The following KANK1 variants were observed in gnomAD, a reference collection of about 807,000 sequenced individuals.
KANK1 encodes KN motif and ankyrin repeat domain-containing protein 1.
In KANK1, 109 loss-of-function variants were observed where a neutral mutation model predicts 106.2. The ratio of observed to expected loss-of-function variants is 1.03; its 90% confidence interval spans 0.88 to 1.20. The LOEUF is 1.20. KANK1 is among the 50% of genes most tolerant of loss of function. The probability of loss-of-function intolerance (pLI) is 0.00; values close to 1 mark genes in which losing one functional copy is unlikely to be tolerated. For synonymous variants in KANK1, 873 were observed against 652.2 expected (o/e 1.34, Z -5.16); for missense variants, 2,399 against 1,710.7 (o/e 1.40, Z -7.10).
intron 1 of KANK1, among the ~76,000 whole-genome samples, chr9:569,860 C>T (rs914410701): frequency 2.6e-5 from 4 of 151,334 alleles, no homozygotes; most frequent in African/African-American, 7.3e-5. Context: ...ATGTAGTTCA[C>T]TTATGTTAAT....
chr9:726,802 A>G (rs143868403), intron 3 of KANK1, among the ~76,000 whole-genome samples: 29 of 151,584 alleles, frequency 1.9e-4, no homozygotes, highest in African/African-American at 6.8e-4. Context: ...TCTACTAACA[A>G]TACAAAAATT....
intron 10 of KANK1, 50 bp from the exon 11 acceptor site, chr9:744,441 T>TG (rs1332930502): frequency 6.3e-7 from 1 of 1,582,376 alleles, no homozygotes; most frequent in Non-Finnish European, 8.6e-7. Flanking sequence ...TTCGGTTGTC[T>TG]GGAGGTTTGA....
rs189921913 is a variant in KANK1 at position 569,526 on chromosome 9, A to G, written c.-84+64772A>G. Among the ~76,000 whole-genome samples the G allele has an allele frequency of 3.5e-4, 53 of 152,266 alleles. 1 individual carries two copies. Among genetic ancestry groups the G allele is most frequent in the Admixed American group, 2.5e-3 (38 of 15,282 alleles). The stretch of plus-strand genomic sequence containing the variant: ...CAGACTCTGTCAAGTCCCCACCAGC[A>G]AGAAGGCCCTCACCAGATGCAGCCC... On this transcript the variant is annotated intron_variant, in intron 1 of 11. Transcript: ENST00000382297.
chr9:503,141 C>CGA (rs1178008446), upstream of KANK1, among the ~76,000 whole-genome samples: 1 of 151,620 alleles, frequency 6.6e-6, no homozygotes, highest in Non-Finnish European at 1.5e-5. Context: ...GCCTGGCCGA[C>CGA]GAGCACTTTT....
At chr9:670,460 C>A (rs1845618738) in intron 1 of KANK1, among the ~76,000 whole-genome samples, 1 of 152,194 alleles carries the variant, frequency 6.6e-6, no homozygotes, top group East Asian at 1.9e-4. Context: ...TACTTAAAAC[C>A]CAGGTTTGCC....
intron 1 of KANK1, among the ~76,000 whole-genome samples, chr9:640,769 T>C (rs1052788172): frequency 1.3e-5 from 2 of 150,628 alleles, no homozygotes; most frequent in Admixed American, 6.6e-5. Context: ...CAATCTTGGC[T>C]CACTGCAAGC....
At chr9:602,725 G>A (rs756937370) in intron 1 of KANK1, among the ~76,000 whole-genome samples, 3 of 151,678 alleles carry the variant, frequency 2.0e-5, no homozygotes, top group Non-Finnish European at 2.9e-5. Context: ...AAGTCTTTAC[G>A]GTCAGAGGAC....
At chr9:509,105 T>G (rs773255681) in intron 1 of KANK1, among the ~76,000 whole-genome samples, 5 of 152,252 alleles carry the variant, frequency 3.3e-5, no homozygotes, top group Non-Finnish European at 5.9e-5. Flanking sequence ...ACCTATTTAT[T>G]ATTTTTTTTT....
At chr9:532,227 G>C (rs2060088933) in intron 1 of KANK1, among the ~76,000 whole-genome samples, 1 of 146,544 alleles carries the variant, frequency 6.8e-6, no homozygotes, top group African/African-American at 2.5e-5. Context: ...AGGAGTTTGA[G>C]AGCATTTGTC....
intron 1 of KANK1, among the ~76,000 whole-genome samples, chr9:536,706 A>G (rs2060319247): frequency 6.6e-6 from 1 of 152,154 alleles, no homozygotes; most frequent in African/African-American, 2.4e-5. Flanking sequence ...TCTCCATCCC[A>G]AAGTCCTTAA....
chr9:544,724 C>T (rs1338974088), intron 1 of KANK1, among the ~76,000 whole-genome samples: 2 of 148,108 alleles, frequency 1.4e-5, no homozygotes, highest in South Asian at 2.2e-4. Flanking sequence ...AGGTGGAGTT[C>T]GCCAGGTGAA....
intron 1 of KANK1, among the ~76,000 whole-genome samples, chr9:615,239 T>A (rs189588834): frequency 2.9e-4 from 44 of 152,326 alleles, no homozygotes; most frequent in African/African-American, 1.0e-3. Flanking sequence ...CCTGGCATAG[T>A]ATCATCTTTT....
intron 11 of KANK1, chr9:744,790 T>C (rs1836765556): frequency 1.4e-6 from 2 of 1,459,132 alleles, no homozygotes; most frequent in Non-Finnish European, 1.8e-6. Flanking sequence ...GGCTGGACCT[T>C]GCTTGTCCTT....
rs1038679920 is a variant in KANK1, at chr9:476,010, A to C, written c.-362+2737A>C. Among the ~76,000 whole-genome samples, 12 of 151,228 alleles carry C rather than the reference A, an allele frequency of 7.9e-5. 1 individual carries two copies. The highest frequency in any genetic ancestry group is 1.8e-4 in the Non-Finnish European group (12 of 67,850). ...TGGGATTACAGGTGCCTGCCACCAC[A>C]CCCGGCTAATTTTTGTATTTTTAAC... is the stretch of plus-strand genomic sequence containing the variant. On this transcript the variant is annotated intron_variant, in intron 3 of 15. Coordinates refer to the KANK1 transcript ENST00000382303.
In KANK1 at chr9:624,878, C is replaced by T. The variant is rs565458275; in HGVS notation, c.-83-52012C>T. Reference sequence around the variant, plus strand: ...CCTTACCAAGCCACCAGTGAGAGCCCATCTCTGAGGAAAAGGGGTGTGCAG... The same window carrying T: ...CCTTACCAAGCCACCAGTGAGAGCCTATCTCTGAGGAAAAGGGGTGTGCAG... On this transcript the variant is annotated intron_variant, in intron 1 of 11. Transcript: ENST00000382297. 1.2e-3 allele frequency among the ~76,000 whole-genome samples: 178 copies of T among 152,270 alleles called. 1 individual carries two copies. The highest frequency in any genetic ancestry group is 4.0e-3 in the African/African-American group (168 of 41,542).
intron 1 of KANK1, among the ~76,000 whole-genome samples, chr9:511,889 G>T (rs1182283964): frequency 6.6e-6 from 1 of 152,066 alleles, no homozygotes; most frequent in African/African-American, 2.4e-5. Flanking sequence ...TGGTGTTTTG[G>T]ATTCTGTGGG....
chr9:543,452 G>T (rs547967372), intron 1 of KANK1, among the ~76,000 whole-genome samples: 1 of 151,796 alleles, frequency 6.6e-6, no homozygotes, highest in Non-Finnish European at 1.5e-5. Context: ...CCAGCTACTC[G>T]GGAGGCTGAG....
chr9:490,700 G>A (rs73386743), intron 3 of KANK1, among the ~76,000 whole-genome samples: 6 of 152,192 alleles, frequency 3.9e-5, no homozygotes, highest in South Asian at 2.1e-4. Context: ...GCAAAAATAC[G>A]TTAAGCTCCC....
intron 2 of KANK1, among the ~76,000 whole-genome samples, chr9:704,388 G>C (rs931771427): frequency 3.9e-5 from 6 of 152,164 alleles, no homozygotes; most frequent in African/African-American, 1.4e-4. Flanking sequence ...TAGTGTTCTA[G>C]TCATCACATC....
Sources: allele counts gnomAD v4.1 joint callset (sites outside exome capture counted in the v4.1 genomes callset), GRCh38; gene constraint gnomAD v4.1.1; transcripts MANE v1.5; gene names NCBI Gene and HGNC (gene_info 2026-07-23, HGNC 2026-07-21).